Variants in BEND3 observed in about 807,000 individuals in gnomAD.
BEND3 encodes the protein BEN domain containing 3, also known as BEN domain-containing protein 3.
A neutral mutation model predicts 60.1 loss-of-function variants in BEND3; 13 were observed. That is an observed-to-expected ratio of 0.22 (90% CI 0.14 to 0.34). The LOEUF (loss-of-function observed/expected upper bound fraction) is 0.34, where lower values mean the gene tolerates loss of function less well. BEND3 is among the 10% of genes least tolerant of loss of function. The pLI is 1.00. For synonymous variants in BEND3, 497 were observed against 491.5 expected, an observed-to-expected ratio of 1.01 and a Z score of -0.15; for missense variants, 896 against 1,138.1, an observed-to-expected ratio of 0.79 and a Z score of 3.06.
In BEND3 at chr6:107,070,522, C is replaced by T. The variant is rs1774951409; in HGVS notation, c.669G>A (p.Glu223=). ...LHSKVDLLSL[E]VSRIKKQVSP... is the part of the protein sequence containing the mutation. ...TCACCTGCTTCTTGATGCGGCTCAC[C>T]TCAAGGGAGAGCAGGTCCACCTTGC... The change falls in exon 4 of 4, where the codon GAG becomes GAA. Residue 223 remains glutamate (E), a synonymous_variant. Transcript: ENST00000369042. The surrounding 1 kb of genome is among the most constrained non-coding windows in gnomAD (Gnocchi z 6.9). The T allele has an allele frequency of 3.1e-6, 5 of 1,613,780 alleles. No homozygotes were observed. The highest frequency in any genetic ancestry group is 1.3e-5 in the African/African-American group (1 of 74,908).
chr6:107,112,186 G>A (rs1770118939), intron 1 of BEND3, among the ~76,000 whole-genome samples: 1 of 152,092 alleles, frequency 6.6e-6, no homozygotes, highest in African/African-American at 2.4e-5. Flanking sequence ...CCTTCTCATT[G>A]TTTCCAGGGA....
At chr6:107,114,000 TAGTG>T (rs1315127475) in intron 1 of BEND3, 13 of 152,248 alleles carry the variant, frequency 8.5e-5, no homozygotes, top group African/African-American at 3.1e-4. Flanking sequence ...TTTCCAACTC[TAGTG>T]AGTAACCTTG....
intron 1 of BEND3, among the ~76,000 whole-genome samples, chr6:107,113,569 G>C (rs1770173552): frequency 6.6e-6 from 1 of 151,448 alleles, no homozygotes; most frequent in African/African-American, 2.4e-5. Context: ...CTTTCCTCTA[G>C]AATCCAAGAG....
At chr6:107,096,467 C>A (rs923484841) in intron 3 of BEND3, among the ~76,000 whole-genome samples, 1 of 151,880 alleles carries the variant, frequency 6.6e-6, no homozygotes, top group African/African-American at 2.4e-5. Context: ...CAAAAATTAG[C>A]CAGGCGTGGT....
At chr6:107,088,737 C>A (rs9373916) in intron 3 of BEND3, among the ~76,000 whole-genome samples, 1 of 152,028 alleles carries the variant, frequency 6.6e-6, no homozygotes, top group African/African-American at 2.4e-5. Context: ...AAACAACATA[C>A]AAAAACCAGG....
At position 107,069,790 on chromosome 6, in the gene BEND3, G is replaced by A. The variant is rs782738425; in HGVS notation, c.1401C>T (p.Ala467=). The change falls in exon 4 of 4, where the codon GCC becomes GCT. Residue 467 remains alanine (A), a synonymous_variant. Transcript: ENST00000369042. ...TGCGCTGGGCACACTGCTGCAGCCAGGCCTCCTCCTCCTGCATGTCAGGGA... is the reference window on the plus strand; with the variant it reads ...TGCGCTGGGCACACTGCTGCAGCCAAGCCTCCTCCTCCTGCATGTCAGGGA... ...IYFPDMQEEE[A]WLQQCAQRIN... 3 of 1,613,270 alleles carry A rather than the reference G, an allele frequency of 1.9e-6. No individual in the cohort carries two copies. The highest frequency in any genetic ancestry group is 1.1e-5 in the South Asian group (1 of 91,078).
intron 3 of BEND3, among the ~76,000 whole-genome samples, chr6:107,088,007 CTT>C (rs374298071): frequency 1.3e-4 from 17 of 130,266 alleles, no homozygotes; most frequent in Admixed American, 1.6e-4. Context: ...ATGAAGAGCC[CTT>C]TTTTTTTTTT....
At chr6:107,079,056 A>G (rs574362812) in intron 3 of BEND3, among the ~76,000 whole-genome samples, 7 of 152,166 alleles carry the variant, frequency 4.6e-5, no homozygotes, top group Non-Finnish European at 7.4e-5. Context: ...TGTCCAGAGG[A>G]GCGGATCAGT....
intron 1 of BEND3, among the ~76,000 whole-genome samples, chr6:107,110,685 C>T (rs1245679087): frequency 1.3e-5 from 2 of 152,000 alleles, no homozygotes; most frequent in African/African-American, 4.8e-5. Flanking sequence ...TTCAGCCTCC[C>T]GAGTAGCTGG....
chr6:107,109,690 A>G (rs1402924807), intron 1 of BEND3, among the ~76,000 whole-genome samples: 1 of 152,090 alleles, frequency 6.6e-6, no homozygotes, highest in African/African-American at 2.4e-5. Flanking sequence ...CCTGGCAAAC[A>G]TGGAGAAACC....
At chr6:107,099,862 C>T (rs995862968) in intron 1 of BEND3, among the ~76,000 whole-genome samples, 3 of 120,256 alleles carry the variant, frequency 2.5e-5, no homozygotes, top group African/African-American at 3.5e-5. Flanking sequence ...TGCAAAATAT[C>T]TCACTAGTAA....
intron 3 of BEND3, among the ~76,000 whole-genome samples, chr6:107,073,622 G>C (rs574305550): frequency 2.0e-5 from 3 of 152,256 alleles, no homozygotes; most frequent in South Asian, 4.2e-4. Context: ...AGTGAGGCCA[G>C]GTGCAGTGGC....
chr6:107,080,279 C>T (rs9373913), intron 3 of BEND3, among the ~76,000 whole-genome samples: 51,118 of 141,402 alleles, frequency 0.36, 9,914 homozygotes, highest in Middle Eastern at 0.46. Context: ...TGCTTAAGCC[C>T]GGGAGGTCGA....
rs1775654433 is a variant in BEND3, at chr6:107,099,235, C to CT, written c.37+13_37+14insA. ...AGTTAAAAACATTTTTCAAAAAGGG[C>CT]ATTTTTTTTTTACCTTCTTCTACAT... On this transcript the variant is annotated intron_variant, in intron 2 of 3. Coordinates refer to ENST00000369042, the MANE Select transcript of BEND3 (RefSeq NM_001367314.1). 2 of 1,520,612 alleles carry CT rather than the reference C, an allele frequency of 1.3e-6. No individual in the cohort carries two copies. The highest frequency in any genetic ancestry group is 2.9e-5 in the African/African-American group (2 of 68,218). 94.2% of individuals were successfully genotyped at this position (1,520,612 alleles called of 1,614,324 possible).
chr6:107,100,564 G>C (rs1554236650), intron 1 of BEND3, among the ~76,000 whole-genome samples: 1 of 152,158 alleles, frequency 6.6e-6, no homozygotes, highest in East Asian at 1.9e-4. Flanking sequence ...ATTGTGCCCA[G>C]CCTAAGCTTC....
rs373371825 is a variant in BEND3 at position 107,074,592 on chromosome 6, G to A, written c.241-3642C>T. On this transcript the variant is annotated intron_variant, in intron 3 of 3. Coordinates refer to ENST00000369042, the MANE Select transcript of BEND3 (RefSeq NM_001367314.1). ...GCCTCAGGGTAAGTCACTCATGGAA[G>A]GCACTTCTTAGAGGTCTGTTTGTCC... 6.6e-5 allele frequency among the ~76,000 whole-genome samples: 10 copies of A among 152,206 alleles called. No individual in the cohort carries two copies. The East Asian group carries it at 1.9e-3, about 29-fold the overall frequency.
At chr6:107,071,254 T>C (rs1774974564) in intron 3 of BEND3, among the ~76,000 whole-genome samples, 1 of 152,234 alleles carries the variant, frequency 6.6e-6, no homozygotes, top group Non-Finnish European at 1.5e-5. Flanking sequence ...CTGACACTGA[T>C]GCTGGCAATA....
At chr6:107,078,699 A>G (rs944166206) in intron 3 of BEND3, among the ~76,000 whole-genome samples, 2 of 151,222 alleles carry the variant, frequency 1.3e-5, no homozygotes, top group African/African-American at 4.9e-5. Context: ...GTGATCCACA[A>G]CAGCCCAGCG....
Position 107,069,946 on chromosome 6 carries a change from G to A in BEND3, c.1245C>T (p.Leu415=), listed in dbSNP as rs144011741. ...CGAAGAGCTCGGGGAAGAGCCGGTG[G>A]AGGAGGAAGACGGCAAACTCGCCTG... The part of the protein sequence containing the change: ...SSPGEFAVFL[L]HRLFPELFDH... Residue 415 remains leucine (L), a synonymous_variant, in exon 4 of 4, where the codon CTC becomes CTT. Transcript: ENST00000369042. The A allele has an allele frequency of 6.2e-7, 1 of 1,612,856 alleles. No homozygotes were observed.
Sources: allele counts gnomAD v4.1 joint callset (sites outside exome capture counted in the v4.1 genomes callset), GRCh38; gene constraint gnomAD v4.1.1; non-coding constraint Gnocchi (gnomAD v3.1); transcripts MANE v1.5; gene names NCBI Gene and HGNC (gene_info 2026-07-23, HGNC 2026-07-21).